RBM47: variants seen among roughly 807,000 people sequenced by gnomAD.
The protein encoded by RBM47 is RNA binding motif protein 47, also known as RNA-binding protein 47.
RBM47 carries 21 observed loss-of-function variants against 47.1 expected under a neutral mutation model. The observed-to-expected ratio is 0.45, with a 90% confidence interval of 0.32 to 0.64. The LOEUF (loss-of-function observed/expected upper bound fraction) is 0.64, where lower values mean the gene tolerates loss of function less well. Ranked by LOEUF, RBM47 falls within the 30% of genes least tolerant of loss-of-function variation. The pLI is 0.05. For missense variants in RBM47, 708 were observed against 870.9 expected, an observed-to-expected ratio of 0.81 and a Z score of 2.35; for synonymous variants, 375 against 361.7, an observed-to-expected ratio of 1.04 and a Z score of -0.42.
intron 2 of RBM47, among the ~76,000 whole-genome samples, chr4:40,539,240 G>A (rs1423355649): frequency 6.6e-6 from 1 of 152,140 alleles, no homozygotes; most frequent in Non-Finnish European, 1.5e-5. Flanking sequence ...ATTGCCTTGA[G>A]CAGCCTGGGG....
At chr4:40,553,322 G>C (rs1479661827) in intron 1 of RBM47, among the ~76,000 whole-genome samples, 1 of 148,646 alleles carries the variant, frequency 6.7e-6, no homozygotes, top group Non-Finnish European at 1.5e-5. Context: ...TTTTGAGACA[G>C]AGTCTCACTC....
intron 1 of RBM47, among the ~76,000 whole-genome samples, chr4:40,558,826 TA>T (rs573205780): frequency 3.6e-3 from 467 of 129,732 alleles, no homozygotes; most frequent in Admixed American, 4.2e-3. Context: ...AAACTCTGTC[TA>T]AAAAAAAAAA....
chr4:40,470,228 C>T (rs1202018415), intron 2 of RBM47, among the ~76,000 whole-genome samples: 1 of 152,092 alleles, frequency 6.6e-6, no homozygotes, highest in Non-Finnish European at 1.5e-5. Flanking sequence ...CCCCCGCCCC[C>T]CAGCCTGGTA....
At chr4:40,461,515 G>T (rs896350355) in intron 3 of RBM47, among the ~76,000 whole-genome samples, 1 of 152,164 alleles carries the variant, frequency 6.6e-6, no homozygotes, top group African/African-American at 2.4e-5. Context: ...ATGGCAAAGA[G>T]AAAATGAGGA....
At chr4:40,453,177 C>T (rs138319383) in intron 3 of RBM47, among the ~76,000 whole-genome samples, 36 of 152,226 alleles carry the variant, frequency 2.4e-4, no homozygotes, top group Admixed American at 9.2e-4. Context: ...GCGATAAATA[C>T]TTAAAGATTA....
At chr4:40,511,807 C>T (rs1724966780) in intron 2 of RBM47, among the ~76,000 whole-genome samples, 2 of 151,784 alleles carry the variant, frequency 1.3e-5, no homozygotes, top group African/African-American at 2.4e-5. Context: ...TGGTGGCAGG[C>T]GCCTATAGCC....
intron 1 of RBM47, among the ~76,000 whole-genome samples, chr4:40,604,843 A>T (rs747814980): frequency 6.6e-6 from 1 of 152,034 alleles, no homozygotes; most frequent in Non-Finnish European, 1.5e-5. Flanking sequence ...CAGCCTCCTG[A>T]GTTGCTGGGA....
At chr4:40,530,559 C>CA (rs1223778977) in intron 2 of RBM47, among the ~76,000 whole-genome samples, 1 of 152,208 alleles carries the variant, frequency 6.6e-6, no homozygotes, top group East Asian at 1.9e-4. Context: ...CTCGGCCTCC[C>CA]AAAGTGCTGG....
intron 2 of RBM47, among the ~76,000 whole-genome samples, chr4:40,482,348 G>T (rs903555124): frequency 6.6e-6 from 1 of 152,028 alleles, no homozygotes; most frequent in Admixed American, 6.6e-5. Context: ...CCGCCTCCCC[G>T]GTTCAAGCCA....
At chr4:40,538,075 A>G (rs1161307264) in intron 2 of RBM47, among the ~76,000 whole-genome samples, 1 of 152,138 alleles carries the variant, frequency 6.6e-6, no homozygotes, top group African/African-American at 2.4e-5. Context: ...ATGTTTATAA[A>G]CAGCAAAGGA....
At chr4:40,521,063 T>G (rs1726145663) in intron 2 of RBM47, among the ~76,000 whole-genome samples, 1 of 152,238 alleles carries the variant, frequency 6.6e-6, no homozygotes, top group South Asian at 2.1e-4. Flanking sequence ...ATTGTGGCAT[T>G]TTTTTACCAC....
chr4:40,488,836 G>A (rs1333919446), intron 2 of RBM47, among the ~76,000 whole-genome samples: 1 of 152,186 alleles, frequency 6.6e-6, no homozygotes, highest in African/African-American at 2.4e-5. Flanking sequence ...CCAGTTCTGG[G>A]TGCTTCACAT....
chr4:40,536,721 T>G (rs113634912), intron 2 of RBM47, among the ~76,000 whole-genome samples: 26 of 134,974 alleles, frequency 1.9e-4, no homozygotes, highest in South Asian at 7.3e-4. Flanking sequence ...GTGTGTGTTT[T>G]TGTTTTTTTT....
chr4:40,471,350 C>A (rs991257113), intron 2 of RBM47, among the ~76,000 whole-genome samples: 1 of 152,156 alleles, frequency 6.6e-6, no homozygotes, highest in Non-Finnish European at 1.5e-5. Context: ...CCTATCCACT[C>A]AGGCCTGCTG....
chr4:40,513,093 A>T (rs1725157129), intron 2 of RBM47, among the ~76,000 whole-genome samples: 1 of 152,228 alleles, frequency 6.6e-6, no homozygotes, highest in Non-Finnish European at 1.5e-5. Context: ...TACAATTGTT[A>T]GATTTCTTCC....
At chr4:40,608,102 CA>C (rs902269999) in intron 1 of RBM47, among the ~76,000 whole-genome samples, 21 of 145,018 alleles carry the variant, frequency 1.4e-4, no homozygotes, top group Admixed American at 7.6e-4. Context: ...ACTCCATCTC[CA>C]AAAAAAAAAG....
intron 2 of RBM47, among the ~76,000 whole-genome samples, chr4:40,529,872 A>AAGTAAG (rs1560448479): frequency 2.0e-5 from 3 of 146,732 alleles, no homozygotes; most frequent in African/African-American, 7.5e-5. Context: ...AAATAAATAA[A>AAGTAAG]TAAATATTAA....
chr4:40,629,072 G>A (rs1737994551), intron 1 of RBM47, among the ~76,000 whole-genome samples: 1 of 151,870 alleles, frequency 6.6e-6, no homozygotes, highest in Admixed American at 6.6e-5. Flanking sequence ...AAAGTCACCT[G>A]TGCTTCTGGG....
intron 1 of RBM47, among the ~76,000 whole-genome samples, chr4:40,616,876 T>TTTTTC (rs963196788): frequency 5.0e-5 from 7 of 140,624 alleles, no homozygotes; most frequent in African/African-American, 1.9e-4. Context: ...TTTCTTTTCT[T>TTTTTC]TTTTTTTTTT....
Sources: gnomAD v4.1 joint callset for allele counts (sites outside exome capture counted in the v4.1 genomes callset) on GRCh38, gnomAD v4.1.1 for gene constraint, MANE v1.5 for transcripts, NCBI Gene and HGNC (gene_info 2026-07-23, HGNC 2026-07-21) for gene names.